MORN1: variants seen among roughly 807,000 people sequenced by gnomAD.
MORN1 encodes MORN repeat-containing protein 1.
A neutral mutation model predicts 61.9 loss-of-function variants in MORN1; 67 were observed. That is an observed-to-expected ratio of 1.08 (90% CI 0.89 to 1.33). MORN1 has a LOEUF of 1.33. Among genes scored for constraint, MORN1 ranks in the 40% most tolerant of loss-of-function variants. MORN1 has a pLI of 0.00. For synonymous variants in MORN1, 301 were observed against 292.0 expected, an observed-to-expected ratio of 1.03 and a Z score of -0.31; for missense variants, 752 against 691.2, an observed-to-expected ratio of 1.09 and a Z score of -0.99.
intron 8 of MORN1, among the ~76,000 whole-genome samples, chr1:2,361,506 C>T (rs750774396): frequency 7.3e-5 from 11 of 151,184 alleles, no homozygotes; most frequent in East Asian, 1.9e-4. Context: ...TGCAGTGAGC[C>T]GAGATTGTAC....
chr1:2,358,685 G>A lies in MORN1; in HGVS notation c.776C>T (p.Ala259Val), dbSNP rs765676322. Residue 259 changes from alanine to valine, a missense_variant, in exon 9 of 14, where the codon GCG becomes GTG. By Grantham distance (64) the Ala-to-Val change is moderately conservative. Coordinates refer to ENST00000378531, the MANE Select transcript of MORN1 (RefSeq NM_024848.3). Reference sequence around the variant, plus strand: ...TGACAGCTGCACGTATCTGACGCCCGCTGAGATCTGCAGGACCCGGCCGCT... The same window carrying A: ...TGACAGCTGCACGTATCTGACGCCCACTGAGATCTGCAGGACCCGGCCGCT... ...SESGRVLQIS[A>V]GVRYVQLSAY... 5 of 1,613,068 alleles carry A rather than the reference G, an allele frequency of 3.1e-6. No individual in the cohort carries two copies. Among genetic ancestry groups the A allele is most frequent in the African/African-American group, 1.3e-5 (1 of 74,894 alleles).
intron 6 of MORN1, among the ~76,000 whole-genome samples, chr1:2,382,028 G>A (rs939522632): frequency 2.6e-5 from 4 of 152,214 alleles, no homozygotes; most frequent in South Asian, 2.1e-4. Context: ...CCAGCAAGCA[G>A]TGTGGACCCG....
At chr1:2,347,200 T>C (rs1463128766) in intron 10 of MORN1, among the ~76,000 whole-genome samples, 1 of 151,938 alleles carries the variant, frequency 6.6e-6, no homozygotes, top group Admixed American at 6.6e-5. Context: ...CCACTTAGAG[T>C]GGCAGGGGAC....
intron 13 of MORN1, among the ~76,000 whole-genome samples, chr1:2,321,780 A>C (rs1297797364): frequency 6.6e-6 from 1 of 152,110 alleles, no homozygotes; most frequent in African/African-American, 2.4e-5. Flanking sequence ...ACACACAGTC[A>C]GCATAGGTGA....
chr1:2,346,651 G>C (rs1037367021), intron 10 of MORN1, among the ~76,000 whole-genome samples: 9 of 152,214 alleles, frequency 5.9e-5, no homozygotes, highest in Admixed American at 2.6e-4. Context: ...CTCCCAAAGT[G>C]CTGGGATTAC....
chr1:2,321,974 A>G (rs1640890989), intron 13 of MORN1: 2 of 967,400 alleles, frequency 2.1e-6, no homozygotes, highest in Non-Finnish European at 2.5e-6. Flanking sequence ...CTACTTTTTT[A>G]GGAGAAAAAT....
At position 2,372,745 on chromosome 1, in the gene MORN1, C is replaced by T. The variant is rs1179813858; in HGVS notation, c.635-154G>A. ...GCGGGGGCCGACCCTCCGCAAACCA[C>T]CTTGCAGAGCAGCGACCTGGGCAGT... On this transcript the variant is annotated intron_variant, in intron 7 of 13. Transcript: ENST00000378531. The surrounding 1 kb of genome is among the most constrained non-coding windows in gnomAD (Gnocchi z 5.4). 7.0e-6 allele frequency among the ~76,000 whole-genome samples: 1 copy of T among 142,564 alleles called. No individual in the cohort carries two copies. The highest frequency in any genetic ancestry group is 7.2e-5 in the Admixed American group (1 of 13,802). 93.5% of individuals were successfully genotyped at this position (142,564 alleles called of 152,430 possible).
intron 8 of MORN1, among the ~76,000 whole-genome samples, chr1:2,370,420 T>G (rs1642089932): frequency 6.6e-6 from 1 of 152,150 alleles, no homozygotes; most frequent in East Asian, 1.9e-4. Context: ...TTTGTGAAAC[T>G]TGGGTTAGGC....
chr1:2,351,986 TC>T, intron 10 of MORN1: 1 of 515,870 alleles, frequency 1.9e-6, no homozygotes, highest in South Asian at 1.8e-5. Context: ...GCATGCCCCC[TC>T]CAGGAATGAG....
At chr1:2,343,580 C>T (rs1641447907) in intron 10 of MORN1, among the ~76,000 whole-genome samples, 1 of 152,136 alleles carries the variant, frequency 6.6e-6, no homozygotes, top group African/African-American at 2.4e-5. Context: ...CTGCTGTCCT[C>T]AGGGTTCTCC....
chr1:2,361,799 A>C (rs1338326564), intron 8 of MORN1, among the ~76,000 whole-genome samples: 1 of 152,212 alleles, frequency 6.6e-6, no homozygotes, highest in African/African-American at 2.4e-5. Flanking sequence ...CACAGCTTTA[A>C]TAGCACACTG....
intron 8 of MORN1, among the ~76,000 whole-genome samples, chr1:2,369,091 CCTGTAATCCCAG>C (rs1388436728): frequency 6.7e-6 from 1 of 149,988 alleles, no homozygotes; most frequent in Non-Finnish European, 1.5e-5. Context: ...GTGGCTGATG[CCTGTAATCCCAG>C]CACTTTGGGA....
At chr1:2,380,548 T>C (rs752553995) in intron 6 of MORN1, among the ~76,000 whole-genome samples, 1 of 152,036 alleles carries the variant, frequency 6.6e-6, no homozygotes, top group Non-Finnish European at 1.5e-5. Context: ...AGTGTTTTGG[T>C]TTTTTATTTT....
Position 2,374,458 on chromosome 1 carries a change from T to G in MORN1, c.634+3A>C. 1 of 1,582,174 alleles carries G rather than the reference T, an allele frequency of 6.3e-7. No homozygotes were observed. The highest frequency in any genetic ancestry group is 1.2e-5 in the South Asian group (1 of 86,172). On this transcript the variant is annotated splice_donor_region_variant and intron_variant, in intron 7 of 13. Coordinates refer to ENST00000378531, the MANE Select transcript of MORN1 (RefSeq NM_024848.3). The stretch of plus-strand genomic sequence containing the variant: ...GTGCCCACAGGAAGGCAGGGACACC[T>G]ACCTGCTGGGTGGCCATTGATCCAC...
At chr1:2,322,531 G>C (rs1640905699) in intron 13 of MORN1, 1 of 985,150 alleles carries the variant, frequency 1.0e-6, no homozygotes, top group African/African-American at 1.7e-5. Flanking sequence ...GGAGGAATGT[G>C]CTTGGCCCCG....
chr1:2,390,821 T>C (rs1175598980), intron 1 of MORN1: 5 of 862,862 alleles, frequency 5.8e-6, no homozygotes, highest in Non-Finnish European at 7.0e-6. Flanking sequence ...CGATCTCGGC[T>C]CTCTGCAACC....
rs1335480146 is a variant in MORN1 at position 2,358,804 on chromosome 1, T to G, written c.746-89A>C. 10 of 1,487,530 alleles carry G rather than the reference T, an allele frequency of 6.7e-6. No individual in the cohort carries two copies. In the African/African-American group the frequency reaches 8.4e-5, roughly 13 times the overall value. 92.1% of individuals were successfully genotyped at this position (1,487,530 alleles called of 1,614,324 possible). ...CGGGGCAGGCTTCTGGGACGCTGTG[T>G]TTATAACTCAGCGGGGCCACATTTG... On this transcript the variant is annotated intron_variant, in intron 8 of 13. Coordinates refer to ENST00000378531, the MANE Select transcript of MORN1 (RefSeq NM_024848.3).
In MORN1 at chr1:2,388,333, G is replaced by A. The variant is rs374262368; in HGVS notation, c.153C>T (p.His51=). Residue 51 remains histidine, a synonymous_variant, in exon 3 of 14, where the codon CAC becomes CAT. Transcript: ENST00000378531. ...TGCCATCTTTAAATAACAACTTCCC[G>A]TGACCTGGCAGGAGAAATCGTCACG... ...GEWKAGRKHG[H]GKLLFKDGSY... is the part of the protein sequence containing the mutation. The A allele has an allele frequency of 2.1e-4, 340 of 1,613,588 alleles. No homozygotes were observed. The highest frequency in any genetic ancestry group is 1.5e-4 in the Non-Finnish European group (173 of 1,179,714).
intron 10 of MORN1, among the ~76,000 whole-genome samples, chr1:2,355,835 C>T (rs1027883162): frequency 6.6e-6 from 1 of 152,214 alleles, no homozygotes; most frequent in African/African-American, 2.4e-5. Flanking sequence ...GAGCTGAGCT[C>T]ACAAGGCAGT....
Sources: allele counts gnomAD v4.1 joint callset (sites outside exome capture counted in the v4.1 genomes callset), GRCh38; gene constraint gnomAD v4.1.1; non-coding constraint Gnocchi (gnomAD v3.1); transcripts MANE v1.5; gene names NCBI Gene and HGNC (gene_info 2026-07-23, HGNC 2026-07-21).